ANXA4: variants seen among roughly 807,000 people sequenced by gnomAD.
The protein encoded by ANXA4 is 35-beta calcimedin.
ANXA4 carries 39 observed loss-of-function variants against 49.8 expected under a neutral mutation model. The observed-to-expected ratio is 0.78, with a 90% confidence interval of 0.61 to 1.02. The LOEUF (loss-of-function observed/expected upper bound fraction) is 1.02. ANXA4 is among the 50% of genes least tolerant of loss of function. The pLI is 0.00. For synonymous variants in ANXA4, 134 were observed against 152.5 expected (o/e 0.88, Z 0.89); for missense variants, 360 against 410.1 (o/e 0.88, Z 1.05).
chr2:69,794,256 G>A (rs1030572891), intron 3 of ANXA4, among the ~76,000 whole-genome samples: 1 of 152,180 alleles, frequency 6.6e-6, no homozygotes, highest in African/African-American at 2.4e-5. Context: ...ATTGTGTGGG[G>A]TTAAACAGTT....
intron 2 of ANXA4, among the ~76,000 whole-genome samples, chr2:69,704,620 C>A (rs1678432636): frequency 6.6e-6 from 1 of 152,144 alleles, no homozygotes; most frequent in African/African-American, 2.4e-5. Flanking sequence ...AACCTAGGCT[C>A]ATTCACAGAG....
intron 2 of ANXA4, among the ~76,000 whole-genome samples, chr2:69,675,838 A>G (rs1323614138): frequency 2.0e-5 from 3 of 152,070 alleles, no homozygotes; most frequent in East Asian, 1.9e-4. Context: ...CCTGGCTAAC[A>G]CGGTGAAACC....
At chr2:69,794,511 T>C (rs1184334438) in intron 3 of ANXA4, among the ~76,000 whole-genome samples, 1 of 129,926 alleles carries the variant, frequency 7.7e-6, no homozygotes, top group African/African-American at 3.1e-5. Flanking sequence ...TGTTATATTA[T>C]GTTATGTTAT....
rs1051345072 is a variant in ANXA4, at chr2:69,789,281, C to T, written c.97+1140C>T. Reference sequence around the variant, plus strand: ...AGAGGCCGAGTAACTCTCACCAAGTCGCACAGTGAGTGAAACTGAGCCATG... The same window carrying T: ...AGAGGCCGAGTAACTCTCACCAAGTTGCACAGTGAGTGAAACTGAGCCATG... On this transcript the variant is annotated intron_variant, in intron 3 of 12. Transcript: ENST00000394295. Among the ~76,000 whole-genome samples the T allele has an allele frequency of 3.3e-5, 5 of 152,142 alleles. 1 individual carries two copies. The South Asian group carries it at 8.3e-4, about 25-fold the overall frequency.
intron 2 of ANXA4, among the ~76,000 whole-genome samples, chr2:69,702,575 G>A (rs1678364567): frequency 6.6e-6 from 1 of 151,966 alleles, no homozygotes; most frequent in African/African-American, 2.4e-5. Context: ...TTAACTGAGT[G>A]TGGTGGTGTA....
intron 2 of ANXA4, among the ~76,000 whole-genome samples, chr2:69,711,084 C>G (rs994759877): frequency 7.2e-5 from 11 of 152,152 alleles, no homozygotes; most frequent in African/African-American, 2.7e-4. Context: ...AATCCCAGCA[C>G]TTTGGGAGGC....
chr2:69,813,326 G>A (rs1174181729), intron 8 of ANXA4, among the ~76,000 whole-genome samples: 3 of 150,646 alleles, frequency 2.0e-5, no homozygotes, highest in Non-Finnish European at 4.4e-5. Context: ...TTGGCTCACT[G>A]CAACCTCCGC....
intron 1 of ANXA4, among the ~76,000 whole-genome samples, chr2:69,777,430 A>G (rs1672004661): frequency 6.6e-6 from 1 of 152,186 alleles, no homozygotes; most frequent in Admixed American, 6.5e-5. Context: ...ACGTCCCCTC[A>G]TTAACATGAA....
intron 2 of ANXA4, among the ~76,000 whole-genome samples, chr2:69,656,959 T>C (rs192039136): frequency 1.3e-5 from 2 of 152,028 alleles, no homozygotes; most frequent in East Asian, 3.9e-4. Context: ...GCTATTATAG[T>C]GGCTTTACAA....
chr2:69,676,880 G>A (rs190253624), intron 2 of ANXA4, among the ~76,000 whole-genome samples: 42 of 149,586 alleles, frequency 2.8e-4, no homozygotes, highest in East Asian at 2.5e-3. Context: ...GCGACAGAGC[G>A]GGGGAAAAAA....
intron 2 of ANXA4, among the ~76,000 whole-genome samples, chr2:69,782,717 T>C (rs1237604142): frequency 2.0e-5 from 3 of 152,190 alleles, no homozygotes; most frequent in African/African-American, 7.2e-5. Context: ...GATGTGGGAC[T>C]AGGACTCAGA....
rs560585393 is a variant in ANXA4, at chr2:69,680,965, T to C, written n.766+27683T>C. Among the ~76,000 whole-genome samples the C allele has an allele frequency of 1.7e-4, 26 of 152,286 alleles. No homozygotes were observed. In the South Asian group the frequency reaches 3.3e-3, roughly 19 times the overall value. ...TCGGGGATAATGACCTTAGTTTTCT[T>C]TTTTTGTTGTTTGGTCCTTGTCTTA... On this transcript the variant is annotated intron_variant and non_coding_transcript_variant, in intron 2 of 3. Transcript: ENST00000418066.
intron 2 of ANXA4, among the ~76,000 whole-genome samples, chr2:69,661,752 A>C (rs917689645): frequency 6.6e-6 from 1 of 151,988 alleles, no homozygotes; most frequent in Non-Finnish European, 1.5e-5. Context: ...GGGGTAAGAG[A>C]GTTTTTTTTG....
chr2:69,795,170 C>G (rs1672891795), intron 3 of ANXA4, among the ~76,000 whole-genome samples: 2 of 152,124 alleles, frequency 1.3e-5, no homozygotes, highest in African/African-American at 4.8e-5. Context: ...ACTGCAAGAC[C>G]CTGACCTGAG....
chr2:69,690,782 C>G (rs1677937846), intron 2 of ANXA4, among the ~76,000 whole-genome samples: 1 of 152,176 alleles, frequency 6.6e-6, no homozygotes, highest in African/African-American at 2.4e-5. Context: ...TGCCATCTCT[C>G]CTGAGTAACA....
intron 2 of ANXA4, among the ~76,000 whole-genome samples, chr2:69,714,070 T>C (rs1678783721): frequency 6.6e-6 from 1 of 152,206 alleles, no homozygotes; most frequent in Non-Finnish European, 1.5e-5. Context: ...CCACAGTGCC[T>C]GGTGGGTGAC....
At chr2:69,706,208 T>A (rs1678490718) in intron 2 of ANXA4, among the ~76,000 whole-genome samples, 1 of 151,478 alleles carries the variant, frequency 6.6e-6, no homozygotes, top group East Asian at 1.9e-4. Context: ...ATGTTCAATT[T>A]TGCTAAATGG....
Position 69,781,429 on chromosome 2 carries a change from C to T in ANXA4, c.-46-91C>T, listed in dbSNP as rs2312552. 27,952 of 1,068,070 alleles carry T rather than the reference C, an allele frequency of 0.026. 3,135 individuals carry two copies. The Admixed American group carries it at 0.29, about 11-fold the overall frequency. The allele number at this position is 1,068,070 out of a possible 1,614,324, so 66.2% of individuals were successfully genotyped here. A position where few individuals can be genotyped will look rare whatever the true frequency, so the allele number is the denominator to read the frequency against. Reference sequence around the variant, plus strand: ...TAAGTTGGGTGTCATTTCCTCATGGCTTAGCTTCATGCAAACTGCAAGTTA... The same window carrying T: ...TAAGTTGGGTGTCATTTCCTCATGGTTTAGCTTCATGCAAACTGCAAGTTA... On this transcript the variant is annotated intron_variant, in intron 1 of 12. Coordinates refer to ENST00000394295, the MANE Select transcript of ANXA4 (RefSeq NM_001153.5).
upstream of ANXA4, chr2:69,643,818 C>T (rs1210500931): frequency 3.4e-6 from 4 of 1,183,634 alleles, no homozygotes; most frequent in South Asian, 8.7e-5. Flanking sequence ...GCCGGAAGTG[C>T]CCCTCGGGGC....
Sources: gnomAD v4.1 joint callset for allele counts (sites outside exome capture counted in the v4.1 genomes callset) on GRCh38, gnomAD v4.1.1 for gene constraint, MANE v1.5 for transcripts, NCBI Gene and HGNC (gene_info 2026-07-23, HGNC 2026-07-21) for gene names.